Variants in GRID2 observed in about 807,000 individuals in gnomAD.
The protein encoded by GRID2 is glutamate ionotropic receptor delta type subunit 2.
In GRID2, 33 loss-of-function variants were observed where a neutral mutation model predicts 114.8. The observed-to-expected ratio is 0.29, with a 90% CI of 0.22 to 0.38. The LOEUF (loss-of-function observed/expected upper bound fraction) is 0.38, where lower values mean the gene tolerates loss of function less well. Among genes scored for constraint, GRID2 ranks in the 10% least tolerant of loss-of-function variants. The pLI is 1.00. For missense variants in GRID2, 1,184 were observed against 1,257.7 expected (o/e 0.94, Z 0.89); for synonymous variants, 505 against 449.9 (o/e 1.12, Z -1.55).
chr4:92,570,988 A>T (rs1305231455), intron 1 of GRID2, among the ~76,000 whole-genome samples: 1 of 152,016 alleles, frequency 6.6e-6, no homozygotes, highest in Non-Finnish European at 1.5e-5. Context: ...ACTATGTTGA[A>T]TAGGAGTTTT....
intron 1 of GRID2, among the ~76,000 whole-genome samples, chr4:92,442,168 C>T (rs570824026): frequency 2.1e-5 from 3 of 143,614 alleles, no homozygotes; most frequent in Admixed American, 1.4e-4. Flanking sequence ...TGAGAGTTAC[C>T]TGAAGCTTGG....
chr4:93,425,355 G>C (rs1178314646), intron 10 of GRID2, among the ~76,000 whole-genome samples: 1 of 152,138 alleles, frequency 6.6e-6, no homozygotes, highest in Non-Finnish European at 1.5e-5. Context: ...ACATTGTTAA[G>C]GCAGGTCTAT....
In GRID2 at chr4:92,559,550, A is replaced by G. The variant is rs141802411; in HGVS notation, c.89-30581A>G. Among the ~76,000 whole-genome samples, 39 of 152,276 alleles carry G rather than the reference A, an allele frequency of 2.6e-4. No homozygotes were observed. The East Asian group carries it at 6.2e-3, about 24-fold the overall frequency. On this transcript the variant is annotated intron_variant, in intron 1 of 15. Coordinates refer to ENST00000282020, the MANE Select transcript of GRID2 (RefSeq NM_001510.4). ...TCTGGATTCGACATGCTCAACCTGTATTATTTTCTTATCAACTTCACCACT... is the reference window on the plus strand; with the variant it reads ...TCTGGATTCGACATGCTCAACCTGTGTTATTTTCTTATCAACTTCACCACT...
chr4:92,915,874 G>T (rs370397226), intron 2 of GRID2, among the ~76,000 whole-genome samples: 2 of 152,100 alleles, frequency 1.3e-5, no homozygotes, highest in South Asian at 2.1e-4. Context: ...CTTATGAAAC[G>T]TATCTGTTTA....
chr4:93,362,011 C>T (rs1420599568), intron 8 of GRID2, among the ~76,000 whole-genome samples: 1 of 151,968 alleles, frequency 6.6e-6, no homozygotes, highest in East Asian at 1.9e-4. Flanking sequence ...CCCACAGGCC[C>T]CAGTGTGTGT....
At chr4:92,827,471 C>T (rs1018881718) in intron 2 of GRID2, among the ~76,000 whole-genome samples, 1 of 150,304 alleles carries the variant, frequency 6.7e-6, no homozygotes, top group South Asian at 2.1e-4. Context: ...TTTGTTAAAA[C>T]ATTTATGTGT....
intron 1 of GRID2, among the ~76,000 whole-genome samples, chr4:92,480,805 C>A (rs1722552191): frequency 6.6e-6 from 1 of 152,112 alleles, no homozygotes; most frequent in African/African-American, 2.4e-5. Flanking sequence ...ATCCCTCAAC[C>A]TACTTCAGTC....
At chr4:93,461,985 C>T (rs1371490124) in intron 11 of GRID2, among the ~76,000 whole-genome samples, 1 of 152,042 alleles carries the variant, frequency 6.6e-6, no homozygotes, top group Admixed American at 6.6e-5. Context: ...TGTTTACATG[C>T]AAAGGGAAAT....
At chr4:93,788,928 C>T (rs1734644089) in intron 1 of GRID2, among the ~76,000 whole-genome samples, 1 of 152,214 alleles carries the variant, frequency 6.6e-6, no homozygotes, top group Non-Finnish European at 1.5e-5. Context: ...AGTCCTACCT[C>T]TTGAGGAGTC....
chr4:93,436,235 C>A (rs1237557738), intron 10 of GRID2, among the ~76,000 whole-genome samples: 1 of 152,146 alleles, frequency 6.6e-6, no homozygotes, highest in African/African-American at 2.4e-5. Flanking sequence ...AGTTCTCAGG[C>A]AGGCTCTCCT....
Position 92,411,625 on chromosome 4 carries a change from A to ATGTG in GRID2, c.88+106909_88+106912dup, listed in dbSNP as rs751440294. Among the ~76,000 whole-genome samples, 331 of 105,686 alleles carry ATGTG rather than the reference A, an allele frequency of 3.1e-3. 10 individuals carry two copies. Among genetic ancestry groups the ATGTG allele is most frequent in the African/African-American group, 0.013 (312 of 24,196 alleles). 69.3% of individuals were successfully genotyped at this position (105,686 alleles called of 152,430 possible). A position where few individuals can be genotyped will look rare whatever the true frequency, so the allele number is the denominator to read the frequency against. ...GTGCATTATATATAGATATATATGC[A>ATGTG]TGTGTGTGTGTGTGTGTGTGTGTGT... is the stretch of plus-strand genomic sequence containing the variant. On this transcript the variant is annotated intron_variant, in intron 1 of 15. Coordinates refer to ENST00000282020, the MANE Select transcript of GRID2 (RefSeq NM_001510.4).
intron 2 of GRID2, among the ~76,000 whole-genome samples, chr4:92,689,501 C>G (rs1734075717): frequency 6.6e-6 from 1 of 152,234 alleles, no homozygotes; most frequent in Non-Finnish European, 1.5e-5. Flanking sequence ...GCATTACCAT[C>G]TGAGCCCAGC....
chr4:93,334,298 TA>T (rs1305188671), intron 8 of GRID2, among the ~76,000 whole-genome samples: 2 of 152,092 alleles, frequency 1.3e-5, no homozygotes, highest in Non-Finnish European at 2.9e-5. Context: ...GTTAGGACTC[TA>T]AATCGTTTTG....
intron 8 of GRID2, among the ~76,000 whole-genome samples, chr4:93,382,555 T>C (rs575678640): frequency 6.6e-6 from 1 of 152,166 alleles, no homozygotes; most frequent in East Asian, 1.9e-4. Flanking sequence ...CTTGTACTTT[T>C]TAGCTACAAA....
chr4:93,660,826 C>T (rs1234495840), intron 14 of GRID2, among the ~76,000 whole-genome samples: 1 of 152,088 alleles, frequency 6.6e-6, no homozygotes, highest in Non-Finnish European at 1.5e-5. Context: ...AGAGCCCATG[C>T]AGATAATACA....
chr4:93,561,074 T>G (rs776569339), intron 13 of GRID2, among the ~76,000 whole-genome samples: 4 of 152,122 alleles, frequency 2.6e-5, no homozygotes, highest in Admixed American at 2.6e-4. Context: ...TTTTAAATGA[T>G]ATGATGTTTG....
intron 2 of GRID2, among the ~76,000 whole-genome samples, chr4:92,997,052 G>A (rs932147147): frequency 1.3e-5 from 2 of 152,108 alleles, no homozygotes; most frequent in Non-Finnish European, 2.9e-5. Context: ...TTATCAAAAA[G>A]CATCATCATG....
chr4:93,336,050 A>G (rs1428989933), intron 8 of GRID2, among the ~76,000 whole-genome samples: 1 of 152,230 alleles, frequency 6.6e-6, no homozygotes, highest in African/African-American at 2.4e-5. Context: ...ATTACAAAAA[A>G]TAATATAACA....
chr4:93,683,869 A>G (rs1725834678), intron 14 of GRID2, among the ~76,000 whole-genome samples: 1 of 152,104 alleles, frequency 6.6e-6, no homozygotes, highest in Admixed American at 6.6e-5. Context: ...TAACTGTTAA[A>G]GTAAAAATTA....
Sources: gnomAD v4.1 joint callset for allele counts (sites outside exome capture counted in the v4.1 genomes callset) on GRCh38, gnomAD v4.1.1 for gene constraint, MANE v1.5 for transcripts, NCBI Gene and HGNC (gene_info 2026-07-23, HGNC 2026-07-21) for gene names.